GOT1: variants seen among roughly 807,000 people sequenced by gnomAD.
GOT1 encodes aspartate aminotransferase, cytoplasmic.
GOT1 carries 25 observed loss-of-function variants against 48.2 expected under a neutral mutation model. The ratio of observed to expected loss-of-function variants is 0.52; its 90% CI spans 0.38 to 0.72. GOT1 has a LOEUF of 0.72. GOT1 is among the 30% of genes least tolerant of loss of function. The pLI, the probability that GOT1 is intolerant of heterozygous loss-of-function variation, is 0.00. For missense variants in GOT1, 380 were observed against 520.1 expected (o/e 0.73, Z 2.62); for synonymous variants, 188 against 193.8 (o/e 0.97, Z 0.25).
At chr10:99,405,989 G>A (rs1333301476) in intron 4 of GOT1, 129 bp from the exon 5 acceptor site, 1 of 799,450 alleles carries the variant, frequency 1.3e-6, no homozygotes, top group Non-Finnish European at 2.2e-6. Flanking sequence ...TGTCTCTTTT[G>A]TGCCCTCTCT....
intron 1 of GOT1, among the ~76,000 whole-genome samples, chr10:99,428,815 T>C (rs779275632): frequency 7.2e-5 from 11 of 152,326 alleles, no homozygotes; most frequent in African/African-American, 9.6e-5. Context: ...TCTTTCAACA[T>C]TTCTCCCACT....
At chr10:99,417,229 A>G (rs1406092718) in intron 2 of GOT1, among the ~76,000 whole-genome samples, 3 of 152,248 alleles carry the variant, frequency 2.0e-5, no homozygotes, top group African/African-American at 7.2e-5. Flanking sequence ...AAACAAATTT[A>G]CAAGAAAAAA....
intron 1 of GOT1, 144 bp downstream of exon 1, chr10:99,430,304 C>T (rs573880065): frequency 2.3e-5 from 36 of 1,589,634 alleles, no homozygotes; most frequent in Non-Finnish European, 3.0e-5. Flanking sequence ...TTTAGGAAGC[C>T]TTCGTGGATC....
At chr10:99,428,648 G>A (rs543596682) in intron 1 of GOT1, among the ~76,000 whole-genome samples, 1 of 152,312 alleles carries the variant, frequency 6.6e-6, no homozygotes, top group African/African-American at 2.4e-5. Flanking sequence ...GTGAGCCACC[G>A]TGGCAGGCAA....
rs551762102 is a variant in GOT1 at position 99,397,550 on chromosome 10, C to T, written c.1239G>A (p.Gln413=). The T allele has an allele frequency of 6.2e-7, 1 of 1,613,928 alleles. No homozygotes were observed. Among genetic ancestry groups the T allele is most frequent in the South Asian group, 1.1e-5 (1 of 91,064 alleles). Reference sequence around the variant, plus strand: ...GTACTGGACGGGTGGTGTTTCTTCACTGGATTTTGGTGACTGCTTCATGGA... The same window carrying T: ...GTACTGGACGGGTGGTGTTTCTTCATTGGATTTTGGTGACTGCTTCATGGA... ...TSIHEAVTKI[Q] is the part of the protein sequence containing the mutation. The change falls in exon 9 of 9, where the codon CAG becomes CAA. Residue 413 remains glutamine, a synonymous_variant. Transcript: ENST00000370508. This position sits in a 1 kb window ranked among gnomAD's most constrained non-coding sequence, Gnocchi z 5.4.
At chr10:99,428,782 C>T (rs1404760499) in intron 1 of GOT1, among the ~76,000 whole-genome samples, 2 of 152,236 alleles carry the variant, frequency 1.3e-5, no homozygotes, top group African/African-American at 4.8e-5. Flanking sequence ...AAATGGTGTC[C>T]ATTCAAATTC....
rs531524603 is a variant in GOT1 at position 99,428,890 on chromosome 10, A to G, written c.118+1558T>C. On this transcript the variant is annotated intron_variant, in intron 1 of 8. Coordinates refer to ENST00000370508, the MANE Select transcript of GOT1 (RefSeq NM_002079.3). ...AAACTATGTAGTACTGACTTATCTTAAAAGCTTTATGATGAAAAATTTCAA... is the reference window on the plus strand; with the variant it reads ...AAACTATGTAGTACTGACTTATCTTGAAAGCTTTATGATGAAAAATTTCAA... 2.0e-3 allele frequency among the ~76,000 whole-genome samples: 303 copies of G among 152,330 alleles called. 1 individual carries two copies. The highest frequency in any genetic ancestry group is 6.8e-3 in the African/African-American group (283 of 41,584).
chr10:99,404,387 T>A (rs2032726944), intron 5 of GOT1, among the ~76,000 whole-genome samples: 1 of 152,158 alleles, frequency 6.6e-6, no homozygotes, highest in Non-Finnish European at 1.5e-5. Context: ...ACTGTCCAAA[T>A]CTTTGGTTGT....
rs1270062072 is a variant in GOT1 at position 99,424,192 on chromosome 10, A to G, written c.119-3387T>C. Among the ~76,000 whole-genome samples, 5 of 152,208 alleles carry G rather than the reference A, an allele frequency of 3.3e-5. No individual in the cohort carries two copies. The East Asian group carries it at 9.6e-4, about 29-fold the overall frequency. ...TCTTTTGGAATTGTTTCTAGAGGCA[A>G]CATCTCATTATTTTGAATAGCCTCA... On this transcript the variant is annotated intron_variant, in intron 1 of 8. Coordinates refer to ENST00000370508, the MANE Select transcript of GOT1 (RefSeq NM_002079.3).
intron 1 of GOT1, 70 bp from the exon 2 acceptor site, chr10:99,420,875 G>T: frequency 8.2e-7 from 1 of 1,220,680 alleles, no homozygotes; most frequent in Non-Finnish European, 1.2e-6. Flanking sequence ...TTGTAACTGT[G>T]AACCAGGAGA....
chr10:99,403,486 A>G lies in GOT1; in HGVS notation c.942T>C (p.Pro314=), dbSNP rs770092100. ...CCCCTTACCATTCCTCAAAGAGCTC[A>G]GGGTTAGAGAGGGTGCTGGCCACAA... ...ARIVASTLSN[P]ELFEEWTGNV... is the part of the protein sequence containing the mutation. The change falls in exon 7 of 9, where the codon CCT becomes CCC. Residue 314 remains proline (P), a synonymous_variant. Transcript: ENST00000370508. 1.6e-5 allele frequency: 26 copies of G among 1,613,516 alleles called. No homozygotes were observed. Among genetic ancestry groups the G allele is most frequent in the Non-Finnish European group, 1.9e-5 (23 of 1,179,624 alleles).
rs1392480682 is a variant in GOT1, at chr10:99,397,726, G to A, written c.1103-40C>T. On this transcript the variant is annotated intron_variant, in intron 8 of 8. Coordinates refer to ENST00000370508, the MANE Select transcript of GOT1 (RefSeq NM_002079.3). This position sits in a 1 kb window ranked among gnomAD's most constrained non-coding sequence, Gnocchi z 5.4. ...AAGAAGACATAATCAGAGCAGAGGG[G>A]ATCCTTAAAGCAGTGGAGGCTCAGC... 2.5e-6 allele frequency: 4 copies of A among 1,601,040 alleles called. No homozygotes were observed. The highest frequency in any genetic ancestry group is 3.4e-6 in the Non-Finnish European group (4 of 1,168,650).
chr10:99,399,479 T>C (rs570134592), intron 8 of GOT1, among the ~76,000 whole-genome samples: 24 of 152,212 alleles, frequency 1.6e-4, no homozygotes, highest in African/African-American at 5.5e-4. Context: ...AGTTAATAAA[T>C]TTGCATGCTG....
chr10:99,400,871 G>A (rs949610153), intron 8 of GOT1, among the ~76,000 whole-genome samples: 2 of 152,184 alleles, frequency 1.3e-5, no homozygotes, highest in African/African-American at 4.8e-5. Flanking sequence ...AATCCAGGAG[G>A]TGGAGGTTGC....
At chr10:99,428,392 C>A (rs2033068767) in intron 1 of GOT1, among the ~76,000 whole-genome samples, 2 of 151,770 alleles carry the variant, frequency 1.3e-5, no homozygotes, top group East Asian at 3.9e-4. Context: ...GAGTCTCACT[C>A]TGTTACCCAG....
In GOT1 at chr10:99,402,775, C is replaced by T. The variant is rs1475457997; in HGVS notation, c.960-53G>A. On this transcript the variant is annotated intron_variant, in intron 7 of 8. Transcript: ENST00000370508. ...CAATCCAGACAGGAAAGATGGTACC[C>T]GAAAACACACAGGTTTAAAAACTCT... 2.7e-6 allele frequency: 4 copies of T among 1,477,468 alleles called. No individual in the cohort carries two copies. In the African/African-American group the frequency reaches 5.5e-5, roughly 20 times the overall value. 91.5% of individuals were successfully genotyped at this position (1,477,468 alleles called of 1,614,324 possible).
At chr10:99,417,155 G>A (rs1457796137) in intron 2 of GOT1, among the ~76,000 whole-genome samples, 1 of 152,054 alleles carries the variant, frequency 6.6e-6, no homozygotes, top group African/African-American at 2.4e-5. Context: ...CTACAGAATG[G>A]GAGAACATTT....
rs2032696413 is a variant in GOT1, at chr10:99,402,638, A to G, written c.1044T>C (p.Pro348=). ...LRARLEALKT[P]GTWNHITDQI... ...GATCAGTGATGTGGTTCCAGGTCCC[A>G]GGGGTTTTGAGGGCTTCTAGTCGTG... is the stretch of plus-strand genomic sequence containing the variant. The change falls in exon 8 of 9, where the codon CCT becomes CCC. Residue 348 remains proline (P), a synonymous_variant. Coordinates refer to ENST00000370508, the MANE Select transcript of GOT1 (RefSeq NM_002079.3). The G allele has an allele frequency of 6.2e-7, 1 of 1,613,976 alleles. No homozygotes were observed. Among genetic ancestry groups the G allele is most frequent in the African/African-American group, 1.3e-5 (1 of 74,934 alleles).
At chr10:99,427,291 C>T (rs1172566387) in intron 1 of GOT1, among the ~76,000 whole-genome samples, 3 of 151,942 alleles carry the variant, frequency 2.0e-5, no homozygotes, top group Admixed American at 1.3e-4. Flanking sequence ...ATTTTTGAGA[C>T]GGAGTCTCAC....
Sources: allele counts gnomAD v4.1 joint callset (sites outside exome capture counted in the v4.1 genomes callset), GRCh38; gene constraint gnomAD v4.1.1; non-coding constraint Gnocchi (gnomAD v3.1); transcripts MANE v1.5; gene names NCBI Gene and HGNC (gene_info 2026-07-23, HGNC 2026-07-21).